SEMA4A: variants seen among roughly 807,000 people sequenced by gnomAD.
SEMA4A encodes semaphorin-4A.
A neutral mutation model predicts 72.5 loss-of-function variants in SEMA4A; 52 were observed. The ratio of observed to expected loss-of-function variants is 0.72; its 90% confidence interval spans 0.57 to 0.90. The LOEUF (loss-of-function observed/expected upper bound fraction) is 0.90. Ranked by LOEUF, SEMA4A falls within the 40% of genes least tolerant of loss-of-function variation. SEMA4A has a pLI of 0.00. For missense variants in SEMA4A, 926 were observed against 959.7 expected (o/e 0.96, Z 0.46); for synonymous variants, 369 against 393.1 (o/e 0.94, Z 0.73).
Position 156,172,962 on chromosome 1 carries a change from A to G in SEMA4A, c.1271A>G (p.Gln424Arg), listed in dbSNP as rs979037800. The change falls in exon 11 of 15, where the codon CAG becomes CGG. Residue 424 changes from glutamine (Q) to arginine (R), a missense_variant. Physicochemically the swap from Gln to Arg is conservative, Grantham distance 43. Transcript: ENST00000368285. Reference sequence around the variant, plus strand: ...ACACGGCTTGCAGTGGAGACAGCCCAGGGCCTTGATGGGCACAGCCATCTT... The same window carrying G: ...ACACGGCTTGCAGTGGAGACAGCCCGGGGCCTTGATGGGCACAGCCATCTT... ...EYTRLAVETA[Q>R]GLDGHSHLVM... 5.0e-6 allele frequency: 8 copies of G among 1,614,150 alleles called. No individual in the cohort carries two copies. The highest frequency in any genetic ancestry group is 2.2e-5 in the South Asian group (2 of 91,084).
intron 12 of SEMA4A, 59 bp from the exon 13 acceptor site, chr1:156,175,027 G>A (rs1032253136): frequency 3.9e-5 from 63 of 1,614,018 alleles, no homozygotes; most frequent in African/African-American, 3.2e-4. Context: ...CTGCACCAGC[G>A]TGCTGGGACT....
At chr1:156,160,375 G>A in intron 6 of SEMA4A, 68 bp from the exon 7 acceptor site, 1 of 1,196,970 alleles carries the variant, frequency 8.4e-7, no homozygotes, top group Non-Finnish European at 1.2e-6. Context: ...CCAGTCAGAG[G>A]CAGGTCTGTG....
intron 14 of SEMA4A, 39 bp from the exon 15 acceptor site, chr1:156,176,366 T>C (rs1247922008): frequency 4.1e-6 from 6 of 1,474,922 alleles, no homozygotes; most frequent in Non-Finnish European, 4.7e-6. Flanking sequence ...CATCCTTCAC[T>C]TCTCCCTTAA....
intron 3 of SEMA4A, 129 bp downstream of exon 3, chr1:156,156,703 T>A: frequency 1.1e-6 from 1 of 873,412 alleles, no homozygotes; most frequent in Non-Finnish European, 1.8e-6. Flanking sequence ...TCTTTATATG[T>A]ATATCGTGAC....
At chr1:156,169,410 T>TC in intron 10 of SEMA4A, among the ~76,000 whole-genome samples, 1 of 120,238 alleles carries the variant, frequency 8.3e-6, no homozygotes, top group East Asian at 3.5e-4. Flanking sequence ...TTCTTTTCTT[T>TC]TTTTTTTTTT....
chr1:156,175,907 G>T (rs1357315795), intron 14 of SEMA4A, among the ~76,000 whole-genome samples: 4 of 152,154 alleles, frequency 2.6e-5, no homozygotes, highest in Admixed American at 1.3e-4. Context: ...GTGGACTGGG[G>T]CTTAGTTTGG....
Position 156,154,352 on chromosome 1 carries a change from T to A in SEMA4A, c.-29-198T>A, listed in dbSNP as rs1337582951. On this transcript the variant is annotated intron_variant, in intron 1 of 14. Coordinates refer to ENST00000368285, the MANE Select transcript of SEMA4A (RefSeq NM_022367.4). ...CTCCTACCCATAGGGGACAGTGAGG[T>A]GACAGGCTGAGGCCTGGAAGGATGA... The A allele has an allele frequency of 8.4e-6, 5 of 595,058 alleles. No individual in the cohort carries two copies. The East Asian group carries it at 1.1e-4, about 13-fold the overall frequency. 36.9% of individuals were successfully genotyped at this position (595,058 alleles called of 1,614,324 possible).
upstream of SEMA4A, among the ~76,000 whole-genome samples, chr1:156,149,469 G>T (rs1652365536): frequency 6.6e-6 from 1 of 152,226 alleles, no homozygotes; most frequent in African/African-American, 2.4e-5. Context: ...GAACCTGGCA[G>T]TGGACCCCCT....
At chr1:156,156,727 G>T (rs1653070220) in intron 3 of SEMA4A, among the ~76,000 whole-genome samples, 153 bp downstream of exon 3, 1 of 148,490 alleles carries the variant, frequency 6.7e-6, no homozygotes, top group Non-Finnish European at 1.5e-5. Context: ...ATAACAGACA[G>T]GAAATGTCGT....
chr1:156,154,897 C>A, intron 2 of SEMA4A, 180 bp downstream of exon 2: 10 of 822,558 alleles, frequency 1.2e-5, no homozygotes, highest in Admixed American at 3.0e-5. Flanking sequence ...AACAGAAGTC[C>A]AAAAGGAAAG....
At chr1:156,164,188 G>A (rs1653952935) in intron 10 of SEMA4A, among the ~76,000 whole-genome samples, 1 of 151,996 alleles carries the variant, frequency 6.6e-6, no homozygotes, top group African/African-American at 2.4e-5. Flanking sequence ...AGATCTATAG[G>A]GTTGACTATA....
chr1:156,165,614 C>T, intron 10 of SEMA4A, among the ~76,000 whole-genome samples: 1 of 152,048 alleles, frequency 6.6e-6, no homozygotes, highest in East Asian at 1.9e-4. Context: ...ATTCTGATCC[C>T]TAGCCCTCTG....
At chr1:156,167,158 G>A (rs1654242580) in intron 10 of SEMA4A, among the ~76,000 whole-genome samples, 1 of 151,628 alleles carries the variant, frequency 6.6e-6, no homozygotes, top group African/African-American at 2.4e-5. Context: ...GATTACAGGT[G>A]TAAGCCACCA....
chr1:156,150,954 C>T (rs984194121), upstream of SEMA4A, among the ~76,000 whole-genome samples: 5 of 152,104 alleles, frequency 3.3e-5, no homozygotes, highest in Admixed American at 6.5e-5. Context: ...AATGACACGG[C>T]CCCTGTGGGC....
chr1:156,154,538 C>T lies in SEMA4A; in HGVS notation c.-29-12C>T. The T allele has an allele frequency of 1.3e-6, 2 of 1,596,862 alleles. No homozygotes were observed. Among genetic ancestry groups the T allele is most frequent in the South Asian group, 1.1e-5 (1 of 88,970 alleles). The stretch of plus-strand genomic sequence containing the variant: ...GCTCACCCAGAAAGTGCCCGGGTGC[C>T]TGTTTCCCCAGAGCTCCCTGGTGAC... On this transcript the variant is annotated splice_polypyrimidine_tract_variant and intron_variant, in intron 1 of 14. Transcript: ENST00000368285.
At chr1:156,159,466 G>A (rs750456776) in intron 6 of SEMA4A, among the ~76,000 whole-genome samples, 2 of 152,182 alleles carry the variant, frequency 1.3e-5, no homozygotes, top group Non-Finnish European at 2.9e-5. Flanking sequence ...AAAAGTGGTG[G>A]AGAAAGATGC....
intron 6 of SEMA4A, among the ~76,000 whole-genome samples, chr1:156,159,740 C>T (rs1338301626): frequency 1.3e-5 from 2 of 151,802 alleles, no homozygotes; most frequent in African/African-American, 4.8e-5. Context: ...AGTGAGACCT[C>T]GTCTCTACTA....
At chr1:156,154,259 G>T in intron 1 of SEMA4A, 1 of 400,350 alleles carries the variant, frequency 2.5e-6, no homozygotes. Context: ...TGAGAGTAAG[G>T]CAAAAAAAGG....
At chr1:156,161,206 G>A in intron 8 of SEMA4A, 140 bp from the exon 9 acceptor site, 1 of 550,496 alleles carries the variant, frequency 1.8e-6, no homozygotes, top group Non-Finnish European at 2.8e-6. Flanking sequence ...GGGGACAAGC[G>A]TGGCTGAGGG....
Sources: gnomAD v4.1 joint callset for allele counts (sites outside exome capture counted in the v4.1 genomes callset) on GRCh38, gnomAD v4.1.1 for gene constraint, MANE v1.5 for transcripts, NCBI Gene and HGNC (gene_info 2026-07-23, HGNC 2026-07-21) for gene names.